Variants in USP43 observed in about 807,000 individuals in gnomAD.
USP43 encodes ubiquitin specific peptidase 43.
A neutral mutation model predicts 90.7 loss-of-function variants in USP43; 33 were observed. The observed-to-expected ratio is 0.36, with a 90% confidence interval of 0.28 to 0.49. The LOEUF (loss-of-function observed/expected upper bound fraction) is 0.49. Ranked by LOEUF, USP43 falls within the 20% of genes least tolerant of loss-of-function variation. The pLI is 0.98. For missense variants in USP43, 1,274 were observed against 1,476.4 expected, an observed-to-expected ratio of 0.86 and a Z score of 2.25; for synonymous variants, 598 against 615.8, an observed-to-expected ratio of 0.97 and a Z score of 0.43.
chr17:9,651,427 G>A (rs560850141), intron 1 of USP43, among the ~76,000 whole-genome samples: 1 of 152,172 alleles, frequency 6.6e-6, no homozygotes, highest in East Asian at 1.9e-4. Flanking sequence ...CCTGACCTGT[G>A]AGCCACTTTA....
chr17:9,665,057 C>T (rs9914278), intron 2 of USP43, among the ~76,000 whole-genome samples: 3,464 of 152,160 alleles, frequency 0.023, 109 homozygotes, highest in African/African-American at 0.07. Flanking sequence ...ATAACAGGGC[C>T]TTAATCAAAA....
chr17:9,681,750 T>C (rs1036625647), intron 6 of USP43, among the ~76,000 whole-genome samples: 1 of 151,694 alleles, frequency 6.6e-6, no homozygotes, highest in Non-Finnish European at 1.5e-5. Flanking sequence ...TGCCTCAGCC[T>C]CCGAAAGTCC....
intron 2 of USP43, among the ~76,000 whole-genome samples, chr17:9,658,232 C>T (rs1023735070): frequency 1.3e-5 from 2 of 152,180 alleles, no homozygotes; most frequent in Admixed American, 6.5e-5. Flanking sequence ...GCTCAGAGCC[C>T]GTCATTCTAG....
chr17:9,709,971 C>T lies in USP43; in HGVS notation c.2027C>T (p.Ser676Phe). ...GGHYTAYCRN[S>F]LDGQWYSYDD... ...ACCTTTGCAGCCTACTGCCGGAACT[C>T]TCTGGATGGCCAGTGGTACAGTTAT... The change falls in exon 13 of 15, where the codon TCT becomes TTT. Residue 676 changes from serine (S) to phenylalanine (F), a missense_variant. Coordinates refer to ENST00000285199, the MANE Select transcript of USP43 (RefSeq NM_153210.5). The surrounding 1 kb of genome is among the most constrained non-coding windows in gnomAD (Gnocchi z 5.0). The T allele has an allele frequency of 6.7e-7, 1 of 1,487,026 alleles. No individual in the cohort carries two copies. Among genetic ancestry groups the T allele is most frequent in the African/African-American group, 1.4e-5 (1 of 70,096 alleles). The allele number at this position is 1,487,026 out of a possible 1,614,324, so 92.1% of individuals were successfully genotyped here.
intron 3 of USP43, among the ~76,000 whole-genome samples, chr17:9,668,606 G>A (rs944881237): frequency 2.0e-5 from 3 of 152,144 alleles, no homozygotes; most frequent in South Asian, 2.1e-4. Flanking sequence ...AGAAACAGCC[G>A]GGATGACTGC....
chr17:9,681,920 T>C lies in USP43; in HGVS notation c.1106-903T>C, dbSNP rs117326290. 4.1e-3 allele frequency among the ~76,000 whole-genome samples: 624 copies of C among 152,320 alleles called. 4 individuals are homozygous for C. The highest frequency in any genetic ancestry group is 0.017 in the Middle Eastern group (5 of 294). Reference sequence around the variant, plus strand: ...TGGGAACTGGATGTTTGAAGTTCTCTGAGTTGACAGGGAGATGCTGGGCAT... The same window carrying C: ...TGGGAACTGGATGTTTGAAGTTCTCCGAGTTGACAGGGAGATGCTGGGCAT... On this transcript the variant is annotated intron_variant, in intron 6 of 14. Transcript: ENST00000285199.
At chr17:9,696,644 A>G (rs1158142998) in intron 9 of USP43, among the ~76,000 whole-genome samples, 1 of 152,190 alleles carries the variant, frequency 6.6e-6, no homozygotes, top group Non-Finnish European at 1.5e-5. Flanking sequence ...AAATGGTGAC[A>G]CCACCATCTA....
intron 9 of USP43, among the ~76,000 whole-genome samples, chr17:9,697,569 A>G (rs1474696860): frequency 6.6e-6 from 1 of 152,124 alleles, no homozygotes; most frequent in East Asian, 1.9e-4. Context: ...TCACTTATAA[A>G]TGAGGACATG....
At chr17:9,669,009 T>A (rs1913221132) in intron 3 of USP43, among the ~76,000 whole-genome samples, 2 of 151,958 alleles carry the variant, frequency 1.3e-5, no homozygotes, top group South Asian at 4.2e-4. Context: ...CTAATTTTTT[T>A]TTTTTTTTTA....
chr17:9,709,890 A>G lies in USP43; in HGVS notation c.2012-66A>G, dbSNP rs1916087655. ...AACATACCGCTTTTTCAGCTATGCCAGTGGGAAATGTCTTCCTACCTTTTG... is the reference window on the plus strand; with the variant it reads ...AACATACCGCTTTTTCAGCTATGCCGGTGGGAAATGTCTTCCTACCTTTTG... On this transcript the variant is annotated intron_variant, in intron 12 of 14. Coordinates refer to ENST00000285199, the MANE Select transcript of USP43 (RefSeq NM_153210.5). This position sits in a 1 kb window ranked among gnomAD's most constrained non-coding sequence, Gnocchi z 5.0. 2.2e-6 allele frequency: 3 copies of G among 1,350,698 alleles called. No homozygotes were observed. The South Asian group carries it at 7.1e-5, about 32-fold the overall frequency. 83.7% of individuals were successfully genotyped at this position (1,350,698 alleles called of 1,614,324 possible). A position where few individuals can be genotyped will look rare whatever the true frequency, so the allele number is the denominator to read the frequency against.
chr17:9,697,160 T>C (rs566708678), intron 9 of USP43, among the ~76,000 whole-genome samples: 1 of 152,166 alleles, frequency 6.6e-6, no homozygotes, highest in Non-Finnish European at 1.5e-5. Context: ...GAGCTTGCAG[T>C]GAGCCGAGAT....
Position 9,701,113 on chromosome 17 carries a change from G to T in USP43, c.1536-6G>T. ...CCTGAACGCCGTGGGTGTCCTCTCC[G>T]TGCAGCCTGTTCGGGAGCCTCCAGG... On this transcript the variant is annotated splice_polypyrimidine_tract_variant and splice_region_variant and intron_variant, in intron 10 of 14. Coordinates refer to ENST00000285199, the MANE Select transcript of USP43 (RefSeq NM_153210.5). This position sits in a 1 kb window ranked among gnomAD's most constrained non-coding sequence, Gnocchi z 7.2. 1 of 1,461,622 alleles carries T rather than the reference G, an allele frequency of 6.8e-7. No homozygotes were observed. Among genetic ancestry groups the T allele is most frequent in the South Asian group, 1.5e-5 (1 of 68,284 alleles). The allele number at this position is 1,461,622 out of a possible 1,614,324, so 90.5% of individuals were successfully genotyped here.
At chr17:9,670,039 C>CT (rs148536442) in intron 3 of USP43, among the ~76,000 whole-genome samples, 18,075 of 131,516 alleles carry the variant, frequency 0.14, 1,425 homozygotes, top group East Asian at 0.31. Flanking sequence ...GAGGTGACTG[C>CT]TTTTTTTTTT....
chr17:9,714,367 C>T (rs1916368392), intron 14 of USP43, among the ~76,000 whole-genome samples: 1 of 152,002 alleles, frequency 6.6e-6, no homozygotes, highest in Non-Finnish European at 1.5e-5. Flanking sequence ...GCTGAGCTCC[C>T]CTGGGGAAAT....
chr17:9,677,876 G>A (rs1282005959), intron 5 of USP43, among the ~76,000 whole-genome samples: 6 of 152,120 alleles, frequency 3.9e-5, no homozygotes, highest in African/African-American at 9.7e-5. Context: ...TAACCTCCAC[G>A]CTTCCTGAGC....
intron 1 of USP43, among the ~76,000 whole-genome samples, chr17:9,655,736 T>C (rs1053488550): frequency 2.6e-5 from 4 of 152,204 alleles, no homozygotes; most frequent in African/African-American, 9.7e-5. Context: ...GCCTGGCGTG[T>C]GGTTGGCACT....
chr17:9,724,007 C>A (rs947252213), intron 14 of USP43, among the ~76,000 whole-genome samples: 1 of 152,116 alleles, frequency 6.6e-6, no homozygotes, highest in Admixed American at 6.6e-5. Context: ...TTTAAGCTGT[C>A]ACGTTTCATC....
chr17:9,699,161 G>A (rs951803047), intron 9 of USP43, among the ~76,000 whole-genome samples: 13 of 152,202 alleles, frequency 8.5e-5, no homozygotes, highest in African/African-American at 2.2e-4. Context: ...ATGACAGGAC[G>A]TAGAGCCCAC....
rs1914613649 is a variant in USP43, at chr17:9,686,711, A to C, written c.1242-87A>C. 1 of 1,151,712 alleles carries C rather than the reference A, an allele frequency of 8.7e-7. No individual in the cohort carries two copies. Among genetic ancestry groups the C allele is most frequent in the Non-Finnish European group, 1.3e-6 (1 of 794,208 alleles). The allele number at this position is 1,151,712 out of a possible 1,614,324, so 71.3% of individuals were successfully genotyped here. ...TCTTGTCACTTATCCTATTGACAGG[A>C]AGCCAGGGTTAGAACAACCACTCAT... On this transcript the variant is annotated intron_variant, in intron 7 of 14. Coordinates refer to ENST00000285199, the MANE Select transcript of USP43 (RefSeq NM_153210.5). This position sits in a 1 kb window ranked among gnomAD's most constrained non-coding sequence, Gnocchi z 5.5.
Sources: allele counts gnomAD v4.1 joint callset (sites outside exome capture counted in the v4.1 genomes callset), GRCh38; gene constraint gnomAD v4.1.1; non-coding constraint Gnocchi (gnomAD v3.1); transcripts MANE v1.5; gene names NCBI Gene and HGNC (gene_info 2026-07-23, HGNC 2026-07-21).